BRINP2: variants seen among roughly 807,000 people sequenced by gnomAD.
The protein encoded by BRINP2 is BMP/retinoic acid-inducible neural-specific protein 2.
A neutral mutation model predicts 69.2 loss-of-function variants in BRINP2; 21 were observed. The ratio of observed to expected loss-of-function variants is 0.30; its 90% CI spans 0.22 to 0.44. The LOEUF is 0.44. BRINP2 is among the 20% of genes least tolerant of loss of function. The probability of loss-of-function intolerance (pLI) is 1.00; values close to 1 mark genes in which losing one functional copy is unlikely to be tolerated. For missense variants in BRINP2, 877 were observed against 986.0 expected, an observed-to-expected ratio of 0.89 and a Z score of 1.48; for synonymous variants, 380 against 394.1, an observed-to-expected ratio of 0.96 and a Z score of 0.42.
chr1:177,195,661 G>A (rs930746433), intron 1 of BRINP2, among the ~76,000 whole-genome samples: 1 of 151,636 alleles, frequency 6.6e-6, no homozygotes, highest in African/African-American at 2.4e-5. Context: ...CTGGCAAGTG[G>A]GGGGGGAATC....
At chr1:177,273,723 C>G (rs1029074327) in intron 5 of BRINP2, 130 bp downstream of exon 5, 1 of 567,846 alleles carries the variant, frequency 1.8e-6, no homozygotes, top group Non-Finnish European at 3.1e-6. Flanking sequence ...AGAACTACCA[C>G]AAGTTCTGGA....
At position 177,258,878 on chromosome 1, in the gene BRINP2, T is replaced by C. The variant is rs79960173; in HGVS notation, c.669+1494T>C. Among the ~76,000 whole-genome samples, 596 of 152,314 alleles carry C rather than the reference T, an allele frequency of 3.9e-3. 2 individuals are homozygous for C. The highest frequency in any genetic ancestry group is 0.013 in the African/African-American group (559 of 41,550). On this transcript the variant is annotated intron_variant, in intron 4 of 7. Coordinates refer to ENST00000361539, the MANE Select transcript of BRINP2 (RefSeq NM_021165.4). ...CCAACTGGCTGTTCCCCTATCTCTC[T>C]CACTTTTCTCAGGCCTCCCTATTCC...
At chr1:177,256,179 C>T (rs1001511261) in intron 3 of BRINP2, 70 bp downstream of exon 3, 1 of 1,535,920 alleles carries the variant, frequency 6.5e-7, no homozygotes, top group East Asian at 2.3e-5. Flanking sequence ...ACTCGTGTAG[C>T]GTAGCTCCAA....
intron 1 of BRINP2, among the ~76,000 whole-genome samples, chr1:177,221,114 G>A (rs2102318393): frequency 6.6e-6 from 1 of 152,290 alleles, no homozygotes; most frequent in Non-Finnish European, 1.5e-5. Flanking sequence ...GTAGCTGTTA[G>A]ATTTATAGGT....
At chr1:177,212,072 GATA>G (rs1558161199) in intron 1 of BRINP2, among the ~76,000 whole-genome samples, 8 of 96,134 alleles carry the variant, frequency 8.3e-5, no homozygotes, top group Middle Eastern at 5.3e-3. Flanking sequence ...GACACAGATA[GATA>G]GATAGATAGA....
chr1:177,207,074 A>G (rs893450066), intron 1 of BRINP2, among the ~76,000 whole-genome samples: 8 of 152,196 alleles, frequency 5.3e-5, no homozygotes, highest in African/African-American at 1.9e-4. Flanking sequence ...ACACTAGCAC[A>G]TCAGGCCTTT....
chr1:177,217,206 AT>A (rs1474728660), intron 1 of BRINP2, among the ~76,000 whole-genome samples: 1 of 149,930 alleles, frequency 6.7e-6, no homozygotes, highest in South Asian at 2.1e-4. Flanking sequence ...CTTTATTATT[AT>A]TATTTACTCC....
chr1:177,270,492 A>G (rs1168666115), intron 4 of BRINP2, among the ~76,000 whole-genome samples: 1 of 140,446 alleles, frequency 7.1e-6, no homozygotes, highest in Admixed American at 7.2e-5. Flanking sequence ...GAACAAGATG[A>G]TGGTGGGGGG....
At chr1:177,255,785 C>T in intron 2 of BRINP2, 134 bp from the exon 3 acceptor site, 1 of 921,534 alleles carries the variant, frequency 1.1e-6, no homozygotes, top group Non-Finnish European at 1.6e-6. Flanking sequence ...CTCTGGGCAC[C>T]TCCAGCTGAG....
At chr1:177,223,662 T>G (rs980180249) in intron 1 of BRINP2, among the ~76,000 whole-genome samples, 1 of 152,212 alleles carries the variant, frequency 6.6e-6, no homozygotes, top group Non-Finnish European at 1.5e-5. Flanking sequence ...TAAATTAATG[T>G]AAGAATATTT....
intron 2 of BRINP2, among the ~76,000 whole-genome samples, chr1:177,236,689 G>A (rs535328408): frequency 3.9e-5 from 6 of 152,178 alleles, no homozygotes; most frequent in African/African-American, 1.4e-4. Context: ...GATGACTGGA[G>A]ACTCCAGGTG....
At chr1:177,234,119 A>T (rs1441993132) in intron 2 of BRINP2, among the ~76,000 whole-genome samples, 4 of 152,214 alleles carry the variant, frequency 2.6e-5, no homozygotes, top group African/African-American at 9.6e-5. Flanking sequence ...TCCTGTTTCC[A>T]GTTCCATGTG....
chr1:177,278,586 A>T lies in BRINP2; in HGVS notation c.1036A>T (p.Arg346Trp), dbSNP rs1198851400. ...AGAAGAGTTCCAGGCCCTGCTGAAAAGGCTGCCCGATGACCGGTTCCTGAA... is the reference window on the plus strand; with the variant it reads ...AGAAGAGTTCCAGGCCCTGCTGAAATGGCTGCCCGATGACCGGTTCCTGAA... ...ESEEFQALLK[R>W]LPDDRFLNST... The change falls in exon 7 of 8, where the codon AGG (arginine) becomes TGG (tryptophan). Residue 346 changes from arginine (R) to tryptophan (W), a missense_variant. By Grantham distance (101) the Arg-to-Trp change is moderately radical. Coordinates refer to ENST00000361539, the MANE Select transcript of BRINP2 (RefSeq NM_021165.4). The T allele has an allele frequency of 3.1e-6, 5 of 1,614,116 alleles. No homozygotes were observed. The highest frequency in any genetic ancestry group is 4.2e-6 in the Non-Finnish European group (5 of 1,180,024).
chr1:177,191,806 G>A (rs574648631), intron 1 of BRINP2, among the ~76,000 whole-genome samples: 2 of 152,238 alleles, frequency 1.3e-5, no homozygotes, highest in Middle Eastern at 3.4e-3. Flanking sequence ...CTTTCACCTC[G>A]AATGTGTGCA....
chr1:177,257,083 C>A, intron 3 of BRINP2, 93 bp from the exon 4 acceptor site: 1 of 1,578,828 alleles, frequency 6.3e-7, no homozygotes, highest in Non-Finnish European at 8.6e-7. Context: ...TCTCTCTCAG[C>A]TGTGTCTATC....
chr1:177,206,434 C>T (rs1236035874), intron 1 of BRINP2, among the ~76,000 whole-genome samples: 1 of 152,194 alleles, frequency 6.6e-6, no homozygotes, highest in African/African-American at 2.4e-5. Context: ...ATGGTGCTTT[C>T]CCTCTCCCAA....
At chr1:177,199,941 G>A (rs1648853442) in intron 1 of BRINP2, among the ~76,000 whole-genome samples, 1 of 151,974 alleles carries the variant, frequency 6.6e-6, no homozygotes, top group African/African-American at 2.4e-5. Context: ...CATTTACTTG[G>A]TCCATTATTC....
rs200109149 is a variant in BRINP2 at position 177,259,291 on chromosome 1, T to C, written c.669+1907T>C. 5.9e-5 allele frequency among the ~76,000 whole-genome samples: 9 copies of C among 152,286 alleles called. No individual in the cohort carries two copies. The East Asian group carries it at 1.7e-3, about 29-fold the overall frequency. ...GTAAGGCCCTGACTCTGGTTAATTC[T>C]CTGCAGACTGAGAGGGGTCAAAAAG... is the stretch of plus-strand genomic sequence containing the variant. On this transcript the variant is annotated intron_variant, in intron 4 of 7. Transcript: ENST00000361539.
chr1:177,195,162 A>G (rs1057319961), intron 1 of BRINP2, among the ~76,000 whole-genome samples: 1 of 152,106 alleles, frequency 6.6e-6, no homozygotes, highest in African/African-American at 2.4e-5. Context: ...GTTCTAAATG[A>G]CATTTTATCT....
Sources: allele counts gnomAD v4.1 joint callset (sites outside exome capture counted in the v4.1 genomes callset), GRCh38; gene constraint gnomAD v4.1.1; transcripts MANE v1.5; gene names NCBI Gene and HGNC (gene_info 2026-07-23, HGNC 2026-07-21).